The following NKAIN1 variants were observed in gnomAD, a reference collection of about 807,000 sequenced individuals.
The protein encoded by NKAIN1 is sodium/potassium-transporting ATPase subunit beta-1-interacting protein 1.
In NKAIN1, 13 loss-of-function variants were observed where a neutral mutation model predicts 31.6. The observed-to-expected ratio is 0.41, with a 90% confidence interval of 0.27 to 0.65. The LOEUF is 0.65. Among genes scored for constraint, NKAIN1 ranks in the 30% least tolerant of loss-of-function variants. The pLI is 0.30. For missense variants in NKAIN1, 193 were observed against 262.2 expected (o/e 0.74, Z 1.82); for synonymous variants, 104 against 109.0 (o/e 0.95, Z 0.28).
chr1:31,235,150 A>G (rs1645685198), intron 1 of NKAIN1, among the ~76,000 whole-genome samples: 1 of 152,090 alleles, frequency 6.6e-6, no homozygotes, highest in Non-Finnish European at 1.5e-5. Context: ...GGGAATGATA[A>G]TGATGATGAT....
At chr1:31,198,167 C>T (rs955155199) in intron 1 of NKAIN1, among the ~76,000 whole-genome samples, 1 of 152,178 alleles carries the variant, frequency 6.6e-6, no homozygotes, top group Non-Finnish European at 1.5e-5. Context: ...TTGGCACACT[C>T]CAGGTGCTAA....
At chr1:31,230,886 T>A (rs865851394) in intron 1 of NKAIN1, among the ~76,000 whole-genome samples, 8 of 148,098 alleles carry the variant, frequency 5.4e-5, no homozygotes, top group East Asian at 4.0e-4. Flanking sequence ...TTATTTTTTT[T>A]TTTTTTTTTT....
intron 1 of NKAIN1, among the ~76,000 whole-genome samples, chr1:31,230,008 G>T (rs1253869672): frequency 6.6e-6 from 1 of 152,138 alleles, no homozygotes; most frequent in African/African-American, 2.4e-5. Context: ...AGTCCTATGA[G>T]GTGGGTGCTA....
At chr1:31,182,931 G>A (rs969057324) in intron 4 of NKAIN1, among the ~76,000 whole-genome samples, 1 of 152,048 alleles carries the variant, frequency 6.6e-6, no homozygotes, top group Non-Finnish European at 1.5e-5. Context: ...CTAGAAACAG[G>A]AACTACTCCT....
Position 31,181,685 on chromosome 1 carries a change from G to C in NKAIN1, c.*18C>G. On this transcript the variant is annotated 3_prime_UTR_variant, in exon 7 of 7. Coordinates refer to ENST00000373736, the MANE Select transcript of NKAIN1 (RefSeq NM_024522.3). ...GGTCAGCCCAGGGCGAGGCGCCGGG[G>C]TGGGCGCGGGGCAGAGGCTACCCCG... 2 of 1,458,084 alleles carry C rather than the reference G, an allele frequency of 1.4e-6. No homozygotes were observed. Among genetic ancestry groups the C allele is most frequent in the Middle Eastern group, 1.9e-4 (1 of 5,382 alleles). The allele number at this position is 1,458,084 out of a possible 1,614,324, so 90.3% of individuals were successfully genotyped here.
In NKAIN1 at chr1:31,239,601, CGCCGCCTGCTCGCGCCG is replaced by C. The variant is rs1387214819; in HGVS notation, c.-71_-55del. 1 of 1,081,044 alleles carries C rather than the reference CGCCGCCTGCTCGCGCCG, an allele frequency of 9.3e-7. No homozygotes were observed. Among genetic ancestry groups the C allele is most frequent in the Non-Finnish European group, 1.1e-6 (1 of 876,780 alleles). The allele number at this position is 1,081,044 out of a possible 1,614,324, so 67.0% of individuals were successfully genotyped here. A position where few individuals can be genotyped will look rare whatever the true frequency, so the allele number is the denominator to read the frequency against. On this transcript the variant is annotated 5_prime_UTR_variant, in exon 1 of 7. Transcript: ENST00000373736. This position sits in a 1 kb window ranked among gnomAD's most constrained non-coding sequence, Gnocchi z 4.8. ...CGCGGCGCCCTTCTTGCTCCGCGGC[CGCCGCCTGCTCGCGCCG>C]CGCGGGCTCCACGTCCTCCCCGCTG...
chr1:31,188,223 C>A (rs549258226), intron 1 of NKAIN1, 36 bp from the exon 2 acceptor site: 1 of 1,546,876 alleles, frequency 6.5e-7, no homozygotes, highest in Non-Finnish European at 8.7e-7. Context: ...CTGTCACCCC[C>A]CTGAAAGGGA....
intron 1 of NKAIN1, among the ~76,000 whole-genome samples, chr1:31,205,865 G>T (rs374928526): frequency 2.0e-5 from 3 of 150,200 alleles, no homozygotes; most frequent in Admixed American, 6.7e-5. Flanking sequence ...TCAGGTGATC[G>T]GCCTGCCTTG....
chr1:31,232,597 G>T (rs1039109611), intron 1 of NKAIN1, among the ~76,000 whole-genome samples: 5 of 150,494 alleles, frequency 3.3e-5, no homozygotes, highest in Non-Finnish European at 5.9e-5. Flanking sequence ...CCTGGAACTA[G>T]TTTTTAAAAA....
chr1:31,219,537 T>C (rs554762528), intron 1 of NKAIN1, among the ~76,000 whole-genome samples: 1 of 152,320 alleles, frequency 6.6e-6, no homozygotes, highest in African/African-American at 2.4e-5. Context: ...CATGTCCCCC[T>C]GATCCTGTGG....
chr1:31,185,391 G>T, intron 2 of NKAIN1, 64 bp from the exon 3 acceptor site: 1 of 1,309,110 alleles, frequency 7.6e-7, no homozygotes, highest in Non-Finnish European at 1.1e-6. Flanking sequence ...AGTGTCAATG[G>T]AGACAGAGCT....
At chr1:31,216,908 G>A (rs189512083) in intron 1 of NKAIN1, among the ~76,000 whole-genome samples, 161 of 151,858 alleles carry the variant, frequency 1.1e-3, no homozygotes, top group East Asian at 1.9e-4. Flanking sequence ...CTGTGTTGCC[G>A]AGGCTGGAGT....
Position 31,239,632 on chromosome 1 carries a change from T to G in NKAIN1, c.-85A>C. 2.7e-6 allele frequency: 2 copies of G among 732,578 alleles called. No individual in the cohort carries two copies. Among genetic ancestry groups the G allele is most frequent in the Non-Finnish European group, 3.4e-6 (2 of 592,554 alleles). 45.4% of individuals were successfully genotyped at this position (732,578 alleles called of 1,614,324 possible). A position where few individuals can be genotyped will look rare whatever the true frequency, so the allele number is the denominator to read the frequency against. On this transcript the variant is annotated 5_prime_UTR_variant, in exon 1 of 7. Coordinates refer to ENST00000373736, the MANE Select transcript of NKAIN1 (RefSeq NM_024522.3). The surrounding 1 kb of genome is among the most constrained non-coding windows in gnomAD (Gnocchi z 4.8). ...CTGCTCGCGCCGCGCGGGCTCCACG[T>G]CCTCCCCGCTGGGCGCGCCGGGCGG...
intron 1 of NKAIN1, among the ~76,000 whole-genome samples, chr1:31,212,160 C>T (rs1645474897): frequency 6.6e-6 from 1 of 152,062 alleles, no homozygotes; most frequent in Non-Finnish European, 1.5e-5. Context: ...CATCTATTGT[C>T]AATTGATTTT....
At chr1:31,230,609 C>G (rs780021762) in intron 1 of NKAIN1, among the ~76,000 whole-genome samples, 4 of 152,234 alleles carry the variant, frequency 2.6e-5, no homozygotes, top group African/African-American at 9.6e-5. Flanking sequence ...ACATCCCTCT[C>G]CAGGCCAGGG....
chr1:31,185,830 C>T (rs1158521203), intron 2 of NKAIN1, among the ~76,000 whole-genome samples: 1 of 152,122 alleles, frequency 6.6e-6, no homozygotes, highest in African/African-American at 2.4e-5. Context: ...CTTTCAGAAA[C>T]ATGTTCCAGG....
At chr1:31,217,214 G>T (rs1645520324) in intron 1 of NKAIN1, among the ~76,000 whole-genome samples, 1 of 152,072 alleles carries the variant, frequency 6.6e-6, no homozygotes, top group Admixed American at 6.6e-5. Context: ...GCCCAGGTTG[G>T]AGTGTGGCAG....
chr1:31,199,538 T>C (rs1402905152), intron 1 of NKAIN1, among the ~76,000 whole-genome samples: 1 of 152,054 alleles, frequency 6.6e-6, no homozygotes, highest in Non-Finnish European at 1.5e-5. Context: ...GAAGGACCCC[T>C]GAGATCTGCT....
chr1:31,180,082 T>C lies in NKAIN1; in HGVS notation c.*1621A>G, dbSNP rs991268743. 3.3e-5 allele frequency: 5 copies of C among 152,400 alleles called. No homozygotes were observed. Among genetic ancestry groups the C allele is most frequent in the African/African-American group, 4.8e-5 (2 of 41,438 alleles). The allele number at this position is 152,400 out of a possible 1,614,324, so 9.4% of individuals were successfully genotyped here. On this transcript the variant is annotated 3_prime_UTR_variant, in exon 7 of 7. Transcript: ENST00000373736. Reference sequence around the variant, plus strand: ...AACTCCTGGGCCTGGCTGCTTGCATTTGGGATGGTGGGGTGGGGTTGCCAG... The same window carrying C: ...AACTCCTGGGCCTGGCTGCTTGCATCTGGGATGGTGGGGTGGGGTTGCCAG...
Sources: gnomAD v4.1 joint callset for allele counts (sites outside exome capture counted in the v4.1 genomes callset) on GRCh38, gnomAD v4.1.1 for gene constraint, Gnocchi (gnomAD v3.1) non-coding constraint, MANE v1.5 for transcripts, NCBI Gene and HGNC (gene_info 2026-07-23, HGNC 2026-07-21) for gene names.